Variants in ITPR1 observed in about 807,000 individuals in gnomAD.
The protein encoded by ITPR1 is inositol 1,4,5-trisphosphate receptor type 1, also known as inositol 1,4,5-trisphosphate-gated calcium channel ITPR1.
Under a neutral mutation model 318.4 loss-of-function variants are expected in ITPR1, and 96 were observed. The observed-to-expected ratio is 0.30, with a 90% confidence interval of 0.26 to 0.36. ITPR1 has a LOEUF of 0.36. Ranked by LOEUF, ITPR1 falls within the 10% of genes least tolerant of loss-of-function variation. The pLI is 1.00. For synonymous variants in ITPR1, 1,312 were observed against 1,289.9 expected (o/e 1.02, Z -0.37); for missense variants, 2,440 against 3,460.2 (o/e 0.71, Z 7.40).
intron 60 of ITPR1, among the ~76,000 whole-genome samples, chr3:4,835,883 G>A (rs2050875057): frequency 6.6e-6 from 1 of 152,168 alleles, no homozygotes; most frequent in Non-Finnish European, 1.5e-5. Flanking sequence ...CAAAAGGATG[G>A]GGATGGACGG....
chr3:4,610,590 G>A lies in ITPR1; in HGVS notation c.164-17173G>A, dbSNP rs78700735. Among the ~76,000 whole-genome samples, 450 of 152,126 alleles carry A rather than the reference G, an allele frequency of 3.0e-3. 15 individuals are homozygous for A. The East Asian group carries it at 0.068, about 23-fold the overall frequency. ...TGTCATTTTTTTTTAAATAGCCAGC[G>A]GAATGCACAGGGAAATTTCATTTGC... On this transcript the variant is annotated intron_variant, in intron 4 of 61. Coordinates refer to ENST00000649015, the MANE Select transcript of ITPR1 (RefSeq NM_001378452.1).
intron 4 of ITPR1, among the ~76,000 whole-genome samples, chr3:4,571,597 G>C (rs541305052): frequency 6.6e-6 from 1 of 152,244 alleles, no homozygotes; most frequent in South Asian, 2.1e-4. Flanking sequence ...GCCTCCTAAA[G>C]TGCTGGGATT....
chr3:4,661,163 G>A (rs532573380), intron 14 of ITPR1, 76 bp downstream of exon 14: 15 of 804,994 alleles, frequency 1.9e-5, no homozygotes, highest in Non-Finnish European at 2.9e-5. Flanking sequence ...GACAGATCAG[G>A]GAGTATGGAG....
In ITPR1 at chr3:4,836,992, C is replaced by G. The variant is rs1243099230; in HGVS notation, c.8190+57C>G. ...CCATCACTATCCCCACCCACACCCA[C>G]TATCACCACACCAAATCTGATGAGG... On this transcript the variant is annotated intron_variant, in intron 61 of 61. Transcript: ENST00000649015. The G allele has an allele frequency of 3.6e-6, 5 of 1,396,022 alleles. No individual in the cohort carries two copies. The African/African-American group carries it at 5.7e-5, about 16-fold the overall frequency. 86.5% of individuals were successfully genotyped at this position (1,396,022 alleles called of 1,614,324 possible).
At chr3:4,695,278 A>C (rs114974393) in intron 33 of ITPR1, among the ~76,000 whole-genome samples, 125 of 152,360 alleles carry the variant, frequency 8.2e-4, no homozygotes, top group African/African-American at 2.9e-3. Context: ...GAAAATGGTC[A>C]TTTCAACATA....
rs371338894 is a variant in ITPR1 at position 4,576,226 on chromosome 3, G to T, written c.164-51537G>T. Among the ~76,000 whole-genome samples, 6 of 152,328 alleles carry T rather than the reference G, an allele frequency of 3.9e-5. No individual in the cohort carries two copies. The South Asian group carries it at 1.2e-3, about 32-fold the overall frequency. Reference sequence around the variant, plus strand: ...CTCATAGAAGGAACTGATGAATAGGGAATGGAACTGCTGGGCGATTGGAGT... The same window carrying T: ...CTCATAGAAGGAACTGATGAATAGGTAATGGAACTGCTGGGCGATTGGAGT... On this transcript the variant is annotated intron_variant, in intron 4 of 61. Transcript: ENST00000649015.
chr3:4,530,083 C>T (rs1445784308), intron 4 of ITPR1, among the ~76,000 whole-genome samples: 1 of 152,224 alleles, frequency 6.6e-6, no homozygotes, highest in African/African-American at 2.4e-5. Context: ...TTAACTTCCT[C>T]CTCTGCAACC....
At chr3:4,753,365 G>T (rs3805004) in intron 44 of ITPR1, among the ~76,000 whole-genome samples, 33,777 of 151,934 alleles carry the variant, frequency 0.22, 4,564 homozygotes, top group Middle Eastern at 0.46. Flanking sequence ...CGCCGCCAAA[G>T]CCCTAATATA....
chr3:4,822,775 C>T lies in ITPR1; in HGVS notation c.8028+4533C>T, dbSNP rs563185378. ...CCTCCTCCACTGTAACTCACAGCGC[C>T]GCTCATTCCCCGAGATGCAATCTCA... On this transcript the variant is annotated intron_variant, in intron 60 of 61. Coordinates refer to ENST00000649015, the MANE Select transcript of ITPR1 (RefSeq NM_001378452.1). 1.4e-4 allele frequency among the ~76,000 whole-genome samples: 21 copies of T among 152,228 alleles called. No homozygotes were observed. In the South Asian group the frequency reaches 4.2e-3, roughly 30 times the overall value.
intron 40 of ITPR1, among the ~76,000 whole-genome samples, chr3:4,723,129 C>T (rs935337151): frequency 1.3e-5 from 2 of 152,168 alleles, no homozygotes; most frequent in Admixed American, 6.5e-5. Context: ...GCCTGGGAGA[C>T]AGAGCAAGAC....
chr3:4,627,649 C>T (rs1030414860), intron 4 of ITPR1, 114 bp from the exon 5 acceptor site: 3 of 664,756 alleles, frequency 4.5e-6, no homozygotes, highest in Non-Finnish European at 8.2e-6. Context: ...CATTTTATAT[C>T]TATGTATGAT....
At chr3:4,736,143 A>AG (rs2125322375) in intron 44 of ITPR1, among the ~76,000 whole-genome samples, 1 of 107,308 alleles carries the variant, frequency 9.3e-6, no homozygotes, top group Admixed American at 9.7e-5. Flanking sequence ...TCTGAATAAG[A>AG]GTTTTTTTTT....
At chr3:4,534,553 G>C (rs1474411803) in intron 4 of ITPR1, among the ~76,000 whole-genome samples, 1 of 152,210 alleles carries the variant, frequency 6.6e-6, no homozygotes, top group Non-Finnish European at 1.5e-5. Flanking sequence ...CTGGAGGTCA[G>C]TGTAGAAAAA....
intron 24 of ITPR1, among the ~76,000 whole-genome samples, chr3:4,679,280 A>C (rs2094249453): frequency 6.6e-6 from 1 of 152,212 alleles, no homozygotes; most frequent in South Asian, 2.1e-4. Flanking sequence ...AATAGGATAC[A>C]TACAGATAGA....
chr3:4,648,834 A>C (rs919850195), intron 10 of ITPR1, among the ~76,000 whole-genome samples: 1 of 152,216 alleles, frequency 6.6e-6, no homozygotes, highest in Non-Finnish European at 1.5e-5. Flanking sequence ...GTTTTGTTAC[A>C]ATACTGTACA....
intron 17 of ITPR1, 99 bp downstream of exon 17, chr3:4,665,395 A>G (rs2125197171): frequency 8.9e-7 from 1 of 1,118,758 alleles, no homozygotes; most frequent in Non-Finnish European, 1.3e-6. Flanking sequence ...TATTTATAGA[A>G]TGGATGCAGA....
intron 32 of ITPR1, among the ~76,000 whole-genome samples, chr3:4,692,438 A>G (rs1405060970): frequency 6.6e-6 from 1 of 152,198 alleles, no homozygotes; most frequent in Non-Finnish European, 1.5e-5. Context: ...TGAGTTAGCT[A>G]TTGTATTTGT....
chr3:4,555,579 T>G (rs2086039284), intron 4 of ITPR1, among the ~76,000 whole-genome samples: 1 of 152,136 alleles, frequency 6.6e-6, no homozygotes, highest in Admixed American at 6.5e-5. Flanking sequence ...GTGCTAAAAA[T>G]AAGTGGGTTA....
chr3:4,669,694 A>T lies in ITPR1; in HGVS notation c.1927A>T (p.Lys643Ter). The change falls in exon 19 of 62, where the codon AAA becomes TAA. Residue 643 changes from lysine (K) to a stop codon, truncating the protein, a stop_gained. Coordinates refer to ENST00000649015, the MANE Select transcript of ITPR1 (RefSeq NM_001378452.1). LOFTEE classifies it high-confidence loss of function. The stretch of plus-strand genomic sequence containing the variant: ...CTCCGACCTCTGTGTCTCCATGAAC[A>T]AATCAATTCCAGTGACCCAGGAACT... Reference protein sequence around the residue: ...YLSDLCVSMNKSIPVTQELIC... With the variant: ...YLSDLCVSMN 1 of 1,613,352 alleles carries T rather than the reference A, an allele frequency of 6.2e-7. No individual in the cohort carries two copies. Among genetic ancestry groups the T allele is most frequent in the Non-Finnish European group, 8.5e-7 (1 of 1,179,448 alleles).
Sources: allele counts gnomAD v4.1 joint callset (sites outside exome capture counted in the v4.1 genomes callset), GRCh38; gene constraint gnomAD v4.1.1; transcripts MANE v1.5; gene names NCBI Gene and HGNC (gene_info 2026-07-23, HGNC 2026-07-21).